SLC16A10: variants seen among roughly 807,000 people sequenced by gnomAD.
SLC16A10 encodes the protein solute carrier family 16 member 10.
SLC16A10 carries 27 observed loss-of-function variants against 40.0 expected under a neutral mutation model. The observed-to-expected ratio is 0.67, with a 90% CI of 0.50 to 0.93. The LOEUF is 0.93. Among genes scored for constraint, SLC16A10 ranks in the 40% least tolerant of loss-of-function variants. The probability of loss-of-function intolerance (pLI) is 0.00; values close to 1 mark genes in which losing one functional copy is unlikely to be tolerated. For synonymous variants in SLC16A10, 213 were observed against 249.8 expected (o/e 0.85, Z 1.39); for missense variants, 529 against 658.2 (o/e 0.80, Z 2.15).
chr6:111,094,664 G>A (rs557543435), intron 1 of SLC16A10, among the ~76,000 whole-genome samples: 32 of 151,978 alleles, frequency 2.1e-4, no homozygotes, highest in African/African-American at 7.0e-4. Flanking sequence ...TTGGGATAGG[G>A]CCTCACTGTG....
intron 1 of SLC16A10, among the ~76,000 whole-genome samples, chr6:111,108,265 C>T (rs1391106570): frequency 6.6e-6 from 1 of 152,146 alleles, no homozygotes; most frequent in Non-Finnish European, 1.5e-5. Context: ...GGTGATTCAC[C>T]TGTCTCGGCC....
intron 1 of SLC16A10, among the ~76,000 whole-genome samples, chr6:111,163,611 G>A (rs73530951): frequency 0.12 from 17,560 of 152,152 alleles, 1,126 homozygotes; most frequent in Middle Eastern, 0.17. Context: ...AAACATGTCA[G>A]TTAATCCTGT....
intron 1 of SLC16A10, among the ~76,000 whole-genome samples, chr6:111,157,511 T>C (rs923338705): frequency 1.3e-5 from 2 of 152,084 alleles, no homozygotes; most frequent in African/African-American, 4.8e-5. Context: ...CTCTAACTCC[T>C]GACCTCGTGA....
chr6:111,096,882 A>G (rs959586345), intron 1 of SLC16A10, among the ~76,000 whole-genome samples: 1 of 151,960 alleles, frequency 6.6e-6, no homozygotes, highest in African/African-American at 2.4e-5. Context: ...GCAGTCAGTG[A>G]TGTGATGGCT....
chr6:111,117,235 C>G (rs1771502817), intron 1 of SLC16A10, among the ~76,000 whole-genome samples: 1 of 151,738 alleles, frequency 6.6e-6, no homozygotes, highest in Non-Finnish European at 1.5e-5. Flanking sequence ...GCCTGTAGTC[C>G]CAGCTACTTG....
At chr6:111,167,112 G>A (rs957719779) in intron 1 of SLC16A10, among the ~76,000 whole-genome samples, 2 of 152,174 alleles carry the variant, frequency 1.3e-5, no homozygotes, top group African/African-American at 4.8e-5. Flanking sequence ...AACAGCCTAG[G>A]ATAGAGCCTA....
rs1297308952 is a variant in SLC16A10, at chr6:111,218,980, A to G, written c.1253A>G (p.Gln418Arg). The change falls in exon 5 of 6, where the codon CAA (glutamine) becomes CGA (arginine). Residue 418 changes from glutamine to arginine, a missense_variant. Gln to Arg is a conservative substitution (Grantham distance 43). Coordinates refer to ENST00000368851, the MANE Select transcript of SLC16A10 (RefSeq NM_018593.5). ...FELVGAQDVS[Q>R]AIGFLLGFMS... The stretch of plus-strand genomic sequence containing the variant: ...TTAGTTGGTGCCCAGGATGTCTCCC[A>G]AGCAATTGGATTTCTGCTCGGATTC... The G allele has an allele frequency of 6.2e-7, 1 of 1,614,146 alleles. No individual in the cohort carries two copies. Among genetic ancestry groups the G allele is most frequent in the Non-Finnish European group, 8.5e-7 (1 of 1,180,018 alleles).
rs571865676 is a variant in SLC16A10, at chr6:111,168,678, C to T, written c.344-4017C>T. Among the ~76,000 whole-genome samples, 12 of 152,354 alleles carry T rather than the reference C, an allele frequency of 7.9e-5. No individual in the cohort carries two copies. The South Asian group carries it at 2.5e-3, about 32-fold the overall frequency. On this transcript the variant is annotated intron_variant, in intron 1 of 5. Coordinates refer to ENST00000368851, the MANE Select transcript of SLC16A10 (RefSeq NM_018593.5). Reference sequence around the variant, plus strand: ...TTTATTCTTGAATTTGATCAGAAGACAGACCTAACTTCATCTATTGCCAAT... The same window carrying T: ...TTTATTCTTGAATTTGATCAGAAGATAGACCTAACTTCATCTATTGCCAAT...
intron 4 of SLC16A10, among the ~76,000 whole-genome samples, chr6:111,212,477 G>C (rs1773360251): frequency 6.6e-6 from 1 of 152,096 alleles, no homozygotes; most frequent in African/African-American, 2.4e-5. Flanking sequence ...CTGGGTCCCA[G>C]GTGTTTTCAA....
intron 1 of SLC16A10, among the ~76,000 whole-genome samples, chr6:111,113,699 T>C (rs1295714028): frequency 6.6e-6 from 1 of 152,162 alleles, no homozygotes; most frequent in African/African-American, 2.4e-5. Flanking sequence ...TGAAATGGAC[T>C]TCTTGGCTAA....
At chr6:111,122,908 A>G (rs935562715) in intron 1 of SLC16A10, among the ~76,000 whole-genome samples, 11 of 152,256 alleles carry the variant, frequency 7.2e-5, no homozygotes, top group Non-Finnish European at 1.6e-4. Flanking sequence ...GGTACTGAGC[A>G]TAATCACTGT....
chr6:111,196,433 G>A (rs1168553080), intron 3 of SLC16A10, among the ~76,000 whole-genome samples: 3 of 152,176 alleles, frequency 2.0e-5, no homozygotes, highest in Non-Finnish European at 2.9e-5. Flanking sequence ...GCAGTGAGCT[G>A]TGATCGTGCC....
At chr6:111,184,822 T>C in intron 3 of SLC16A10, among the ~76,000 whole-genome samples, 1 of 152,188 alleles carries the variant, frequency 6.6e-6, no homozygotes, top group Non-Finnish European at 1.5e-5. Flanking sequence ...TTGAGACTAA[T>C]AAGTCAGTAC....
At chr6:111,137,164 C>T (rs1771894901) in intron 1 of SLC16A10, among the ~76,000 whole-genome samples, 1 of 152,140 alleles carries the variant, frequency 6.6e-6, no homozygotes, top group African/African-American at 2.4e-5. Flanking sequence ...TGGGGTAATC[C>T]CCTCCAAGAA....
intron 1 of SLC16A10, chr6:111,091,271 C>T (rs1400317337): frequency 6.6e-6 from 1 of 152,132 alleles, no homozygotes; most frequent in Non-Finnish European, 1.5e-5. Flanking sequence ...TCACGCTAAT[C>T]TTCTCTGTGT....
chr6:111,188,702 T>G (rs1471210588), intron 3 of SLC16A10, among the ~76,000 whole-genome samples: 1 of 152,232 alleles, frequency 6.6e-6, no homozygotes, highest in Non-Finnish European at 1.5e-5. Context: ...TATATGTATT[T>G]CTTGTATTTT....
chr6:111,181,629 A>G (rs1467836854), intron 3 of SLC16A10, among the ~76,000 whole-genome samples: 1 of 152,186 alleles, frequency 6.6e-6, no homozygotes, highest in African/African-American at 2.4e-5. Context: ...CAGAAATACA[A>G]TGGAGTGCTC....
At chr6:111,121,597 CAT>C (rs1007183596) in intron 1 of SLC16A10, among the ~76,000 whole-genome samples, 1 of 152,150 alleles carries the variant, frequency 6.6e-6, no homozygotes, top group Admixed American at 6.5e-5. Context: ...TTTTGAAAAA[CAT>C]AGTTTTTAGA....
At chr6:111,098,230 C>T (rs1218595062) in intron 1 of SLC16A10, among the ~76,000 whole-genome samples, 9 of 151,948 alleles carry the variant, frequency 5.9e-5, no homozygotes, top group South Asian at 4.1e-4. Flanking sequence ...CGCTTGAACC[C>T]GCGAGTTGGA....
Sources: allele counts gnomAD v4.1 joint callset (sites outside exome capture counted in the v4.1 genomes callset), GRCh38; gene constraint gnomAD v4.1.1; transcripts MANE v1.5; gene names NCBI Gene and HGNC (gene_info 2026-07-23, HGNC 2026-07-21).